The following GFRA3 variants were observed in gnomAD, a reference collection of about 807,000 sequenced individuals.
The protein encoded by GFRA3 is GDNF family receptor alpha 3, also known as GDNF family receptor alpha-3.
In GFRA3, 24 loss-of-function variants were observed where a neutral mutation model predicts 40.0. The observed-to-expected ratio is 0.60, with a 90% CI of 0.43 to 0.84. GFRA3 has a LOEUF of 0.84. Among genes scored for constraint, GFRA3 ranks in the 40% least tolerant of loss-of-function variants. The pLI is 0.00. For synonymous variants in GFRA3, 203 were observed against 213.5 expected (o/e 0.95, Z 0.43); for missense variants, 405 against 530.6 (o/e 0.76, Z 2.33).
intron 2 of GFRA3, among the ~76,000 whole-genome samples, chr5:138,260,883 C>T (rs554560067): frequency 3.3e-5 from 5 of 150,460 alleles, no homozygotes; most frequent in East Asian, 2.0e-4. Context: ...TAGCTGGGTC[C>T]GGTGGCACAC....
At chr5:138,264,220 C>T in intron 2 of GFRA3, 41 bp downstream of exon 2, 1 of 1,488,948 alleles carries the variant, frequency 6.7e-7, no homozygotes, top group Non-Finnish European at 9.1e-7. Context: ...CCCCAAGAGC[C>T]ATCTTCCCCA....
At chr5:138,258,048 G>GGT in intron 3 of GFRA3, 97 bp from the exon 4 acceptor site, 3 of 951,534 alleles carry the variant, frequency 3.2e-6, no homozygotes, top group Non-Finnish European at 5.0e-6. Context: ...TTGACAAGAA[G>GGT]GTAGTGGATA....
chr5:138,253,618 G>A, intron 6 of GFRA3, 148 bp downstream of exon 6: 1 of 770,578 alleles, frequency 1.3e-6, no homozygotes, highest in East Asian at 2.7e-5. Context: ...AGAAAGGCCT[G>A]GGCTATGGCA....
intron 3 of GFRA3, among the ~76,000 whole-genome samples, chr5:138,259,166 T>C (rs1368473638): frequency 5.9e-5 from 9 of 152,208 alleles, no homozygotes; most frequent in Admixed American, 5.9e-4. Context: ...ATTAGAATGG[T>C]TGAAAACAAG....
chr5:138,267,182 T>TTTA (rs964080590), intron 1 of GFRA3: 1 of 147,516 alleles, frequency 6.8e-6, no homozygotes, highest in African/African-American at 2.5e-5. Context: ...CCTTTTTTCT[T>TTTA]TTATGCTTTT....
At chr5:138,271,244 G>A (rs556679648) in intron 1 of GFRA3, among the ~76,000 whole-genome samples, 5 of 152,184 alleles carry the variant, frequency 3.3e-5, no homozygotes, top group African/African-American at 7.2e-5. Context: ...TGCCCGCCTC[G>A]GCCTCAACAA....
chr5:138,262,396 T>C (rs1755723880), intron 2 of GFRA3, among the ~76,000 whole-genome samples: 1 of 152,172 alleles, frequency 6.6e-6, no homozygotes, highest in Admixed American at 6.5e-5. Flanking sequence ...ACAACATTTG[T>C]CTAGCAGGAT....
chr5:138,260,712 T>C lies in GFRA3; in HGVS notation c.380-1063A>G, dbSNP rs570556567. Among the ~76,000 whole-genome samples, 7 of 151,364 alleles carry C rather than the reference T, an allele frequency of 4.6e-5. No individual in the cohort carries two copies. The South Asian group carries it at 1.3e-3, about 27-fold the overall frequency. The stretch of plus-strand genomic sequence containing the variant: ...TGAACCCGGGAGGCGGAGGCTGCAG[T>C]GAGCCAAGATCATGCCACTGCACTC... On this transcript the variant is annotated intron_variant, in intron 2 of 7. Coordinates refer to ENST00000274721, the MANE Select transcript of GFRA3 (RefSeq NM_001496.4).
chr5:138,253,477 G>T, intron 6 of GFRA3, 102 bp from the exon 7 acceptor site: 1 of 770,068 alleles, frequency 1.3e-6, no homozygotes, highest in East Asian at 2.7e-5. Context: ...TGGGCTATAG[G>T]GGAGCAAGTG....
intron 1 of GFRA3, among the ~76,000 whole-genome samples, chr5:138,270,629 G>A (rs1307143817): frequency 6.6e-6 from 1 of 151,928 alleles, no homozygotes; most frequent in Non-Finnish European, 1.5e-5. Context: ...TGGGTGATGG[G>A]TACACCAAAA....
At chr5:138,264,003 A>T (rs1304302227) in intron 2 of GFRA3, among the ~76,000 whole-genome samples, 1 of 152,126 alleles carries the variant, frequency 6.6e-6, no homozygotes, top group African/African-American at 2.4e-5. Context: ...GTTGGGCCTC[A>T]GCCTGGTTCA....
Position 138,274,382 on chromosome 5 carries a change from G to A in GFRA3, c.43C>T (p.Leu15=). The change falls in exon 1 of 8, where the codon CTG becomes TTG. Residue 15 remains leucine, a synonymous_variant. Coordinates refer to ENST00000274721, the MANE Select transcript of GFRA3 (RefSeq NM_001496.4). ...LNPRPLPPVV[L]MLLLLLPPSP... is the part of the protein sequence containing the mutation. ...GGCGGCAGCAGCAGCAGCAACATCA[G>A]GACTACGGGCGGCAGCGGTCGCGGG... The A allele has an allele frequency of 6.0e-6, 8 of 1,330,022 alleles. No homozygotes were observed. Among genetic ancestry groups the A allele is most frequent in the Non-Finnish European group, 7.7e-6 (8 of 1,036,660 alleles). The allele number at this position is 1,330,022 out of a possible 1,614,324, so 82.4% of individuals were successfully genotyped here. A position where few individuals can be genotyped will look rare whatever the true frequency, so the allele number is the denominator to read the frequency against.
At chr5:138,257,233 A>G (rs532836012) in intron 4 of GFRA3, among the ~76,000 whole-genome samples, 135 of 152,042 alleles carry the variant, frequency 8.9e-4, no homozygotes, top group Middle Eastern at 3.4e-3. Flanking sequence ...TCTTACCACT[A>G]CTCCACACCA....
intron 2 of GFRA3, 107 bp downstream of exon 2, chr5:138,264,154 A>T: frequency 1.1e-6 from 1 of 880,730 alleles, no homozygotes. Flanking sequence ...GAGCTTCATT[A>T]TCCTCCTCCT....
chr5:138,264,108 A>G (rs1169154244), intron 2 of GFRA3, among the ~76,000 whole-genome samples, 153 bp downstream of exon 2: 2 of 152,166 alleles, frequency 1.3e-5, no homozygotes, highest in Admixed American at 1.3e-4. Flanking sequence ...AGGAGATCCC[A>G]GCACTATCCC....
chr5:138,268,835 G>C (rs998729796), intron 1 of GFRA3, among the ~76,000 whole-genome samples: 7 of 150,348 alleles, frequency 4.7e-5, no homozygotes. Context: ...TGAGGCAGGA[G>C]AATGGTGTGA....
chr5:138,262,021 T>C (rs1042333215), intron 2 of GFRA3, among the ~76,000 whole-genome samples: 1 of 152,122 alleles, frequency 6.6e-6, no homozygotes, highest in Non-Finnish European at 1.5e-5. Context: ...TCTTGAATTG[T>C]GGGAAAGGCC....
intron 1 of GFRA3, 28 bp downstream of exon 1, chr5:138,274,306 C>A: frequency 7.6e-7 from 1 of 1,319,298 alleles, no homozygotes; most frequent in Non-Finnish European, 9.7e-7. Context: ...CCACTGTACC[C>A]CCGGCCGGTG....
At chr5:138,263,040 C>T (rs924152185) in intron 2 of GFRA3, among the ~76,000 whole-genome samples, 1 of 152,174 alleles carries the variant, frequency 6.6e-6, no homozygotes, top group Non-Finnish European at 1.5e-5. Context: ...TCTCGACTCA[C>T]TGCAACCTCT....
Sources: gnomAD v4.1 joint callset for allele counts (sites outside exome capture counted in the v4.1 genomes callset) on GRCh38, gnomAD v4.1.1 for gene constraint, MANE v1.5 for transcripts, NCBI Gene and HGNC (gene_info 2026-07-23, HGNC 2026-07-21) for gene names.